NUP210: variants seen among roughly 807,000 people sequenced by gnomAD.
The protein encoded by NUP210 is nuclear pore membrane glycoprotein 210.
Under a neutral mutation model 196.0 loss-of-function variants are expected in NUP210, and 151 were observed. The ratio of observed to expected loss-of-function variants is 0.77; its 90% CI spans 0.67 to 0.88. The LOEUF is 0.88. Among genes scored for constraint, NUP210 ranks in the 40% least tolerant of loss-of-function variants. The pLI is 0.00. For missense variants in NUP210, 2,314 were observed against 2,493.7 expected (o/e 0.93, Z 1.53); for synonymous variants, 1,070 against 1,052.7 (o/e 1.02, Z -0.32).
intron 1 of NUP210, among the ~76,000 whole-genome samples, chr3:13,408,478 C>G (rs1308333496): frequency 6.6e-6 from 1 of 152,140 alleles, no homozygotes; most frequent in East Asian, 1.9e-4. Context: ...GCCATCTGGG[C>G]TTACAGTTTT....
At chr3:13,355,780 T>C (rs545337481) in intron 16 of NUP210, among the ~76,000 whole-genome samples, 1 of 152,320 alleles carries the variant, frequency 6.6e-6, no homozygotes, top group South Asian at 2.1e-4. Context: ...GCAGGGGCTG[T>C]AGGGACCTAT....
Position 13,373,813 on chromosome 3 carries a change from T to C in NUP210, c.1492A>G (p.Thr498Ala). 6.2e-7 allele frequency: 1 copy of C among 1,614,122 alleles called. No individual in the cohort carries two copies. The highest frequency in any genetic ancestry group is 1.1e-5 in the South Asian group (1 of 91,068). The change falls in exon 12 of 40, where the codon ACT becomes GCT. Residue 498 changes from threonine (T) to alanine (A), a missense_variant. By Grantham distance (58) the Thr-to-Ala change is moderately conservative. Transcript: ENST00000254508. ...SSSSHLVATV[T>A]VKGVMTTGSD... ...CCTGTGGTCATCACGCCCTTGACAG[T>C]AACTGTGGCAACCAGGTGGCTTGAC...
At chr3:13,328,693 TTC>T in intron 31 of NUP210, 76 bp downstream of exon 31, 1 of 1,348,122 alleles carries the variant, frequency 7.4e-7, no homozygotes, top group South Asian at 1.3e-5. Flanking sequence ...GCAGCAGACT[TTC>T]TGTGTTATCC....
At chr3:13,327,126 G>T in intron 32 of NUP210, 91 bp downstream of exon 32, 1 of 977,026 alleles carries the variant, frequency 1.0e-6, no homozygotes, top group Non-Finnish European at 1.5e-6. Context: ...AGGCCCCCGT[G>T]ACTGGTGCCG....
chr3:13,363,072 G>T lies in NUP210; in HGVS notation c.1933-2581C>A, dbSNP rs551049060. ...GCTGTTTCCCCATCCTGTGAAATGG[G>T]TACAATGATAATGCCTACCTCGCGG... On this transcript the variant is annotated intron_variant, in intron 14 of 39. Transcript: ENST00000254508. Among the ~76,000 whole-genome samples the T allele has an allele frequency of 7.9e-5, 12 of 152,286 alleles. 1 individual carries two copies. In the East Asian group the frequency reaches 1.9e-3, roughly 24 times the overall value.
chr3:13,360,015 T>C (rs1459215893), intron 15 of NUP210, among the ~76,000 whole-genome samples: 1 of 152,180 alleles, frequency 6.6e-6, no homozygotes, highest in Admixed American at 6.5e-5. Flanking sequence ...CTGAAGCCCA[T>C]GGAGGTGGCA....
At chr3:13,337,450 G>A (rs116267763) in intron 26 of NUP210, among the ~76,000 whole-genome samples, 1,921 of 152,340 alleles carry the variant, frequency 0.013, 48 homozygotes, top group African/African-American at 0.044. Flanking sequence ...CCTGGGCACG[G>A]GTCTTAAGCT....
intron 34 of NUP210, among the ~76,000 whole-genome samples, chr3:13,322,693 C>T (rs1018659832): frequency 2.0e-5 from 3 of 152,268 alleles, no homozygotes; most frequent in Admixed American, 1.3e-4. Context: ...TCAGAGGGCA[C>T]TAGTTCTCCA....
At chr3:13,393,555 G>T (rs1218377355) in intron 3 of NUP210, among the ~76,000 whole-genome samples, 2 of 152,228 alleles carry the variant, frequency 1.3e-5, no homozygotes, top group African/African-American at 4.8e-5. Context: ...CCTCGTTCAT[G>T]CATGGGCCTG....
chr3:13,404,856 T>C (rs564153041), intron 1 of NUP210, among the ~76,000 whole-genome samples: 31 of 152,284 alleles, frequency 2.0e-4, no homozygotes, highest in African/African-American at 7.2e-4. Context: ...TTCCAGGATC[T>C]GGGGAGAGAA....
chr3:13,337,961 G>A, intron 25 of NUP210, 44 bp from the exon 26 acceptor site: 1 of 1,569,174 alleles, frequency 6.4e-7, no homozygotes, highest in Middle Eastern at 1.7e-4. Context: ...TGCAGTGCTG[G>A]CCAGGGATGT....
intron 32 of NUP210, 148 bp downstream of exon 32, chr3:13,327,069 C>A: frequency 1.6e-6 from 1 of 635,730 alleles, no homozygotes; most frequent in Non-Finnish European, 2.7e-6. Flanking sequence ...GGTCTCCGGG[C>A]AGCAGTTTTG....
chr3:13,371,644 G>A (rs1698734578), intron 13 of NUP210, among the ~76,000 whole-genome samples, 190 bp downstream of exon 13: 1 of 152,238 alleles, frequency 6.6e-6, no homozygotes, highest in Non-Finnish European at 1.5e-5. Flanking sequence ...ATTTCCCGAA[G>A]TCACACGGTG....
intron 15 of NUP210, 136 bp downstream of exon 15, chr3:13,360,134 G>A (rs920914115): frequency 4.0e-6 from 3 of 744,118 alleles, no homozygotes; most frequent in Non-Finnish European, 6.6e-6. Context: ...GCCTCAGTTT[G>A]CCTGTCTGTA....
chr3:13,322,478 A>T, intron 34 of NUP210, 139 bp from the exon 35 acceptor site: 2 of 894,168 alleles, frequency 2.2e-6, no homozygotes, highest in Middle Eastern at 3.4e-4. Flanking sequence ...AGGGCGGCTC[A>T]AAGCTTTGAG....
At chr3:13,325,978 T>A in intron 32 of NUP210, 47 bp from the exon 33 acceptor site, 1 of 1,602,908 alleles carries the variant, frequency 6.2e-7, no homozygotes, top group Non-Finnish European at 8.5e-7. Context: ...AGCTGGACAC[T>A]CCAGTCAAAG....
intron 6 of NUP210, among the ~76,000 whole-genome samples, chr3:13,382,524 A>G (rs1290764874): frequency 6.6e-6 from 1 of 152,208 alleles, no homozygotes; most frequent in African/African-American, 2.4e-5. Flanking sequence ...CAGGAAATGT[A>G]TTTGCAAGAA....
At position 13,376,379 on chromosome 3, in the gene NUP210, G is replaced by T; in HGVS notation, c.1205C>A (p.Ser402Tyr). Reference protein sequence around the residue: ...LPAEFFEVLSSSQNGSYHRIR... With the variant: ...LPAEFFEVLSYSQNGSYHRIR... ...GCGATGGTATGACCCATTCTGGGAG[G>T]ACGAGAGCACCTCGAAGAACTCAGC... The change falls in exon 10 of 40, where the codon TCC becomes TAC. Residue 402 changes from serine to tyrosine, a missense_variant. Transcript: ENST00000254508. 6.2e-7 allele frequency: 1 copy of T among 1,614,204 alleles called. No individual in the cohort carries two copies. Among genetic ancestry groups the T allele is most frequent in the Non-Finnish European group, 8.5e-7 (1 of 1,180,026 alleles).
chr3:13,406,374 G>A (rs1019978625), intron 1 of NUP210, among the ~76,000 whole-genome samples: 1 of 152,142 alleles, frequency 6.6e-6, no homozygotes, highest in Non-Finnish European at 1.5e-5. Flanking sequence ...AGGAACAGAG[G>A]AACCACTGGA....
Sources: allele counts gnomAD v4.1 joint callset (sites outside exome capture counted in the v4.1 genomes callset), GRCh38; gene constraint gnomAD v4.1.1; transcripts MANE v1.5; gene names NCBI Gene and HGNC (gene_info 2026-07-23, HGNC 2026-07-21).